Variants in ZNF420 observed in about 807,000 individuals in gnomAD.
The protein encoded by ZNF420 is ATM and p53-associated KZNF protein.
Under a neutral mutation model 44.7 loss-of-function variants are expected in ZNF420, and 31 were observed. That is an observed-to-expected ratio of 0.69 (90% confidence interval 0.52 to 0.94). The LOEUF is 0.94. Among genes scored for constraint, ZNF420 ranks in the 40% least tolerant of loss-of-function variants. The pLI is 0.00. For missense variants in ZNF420, 681 were observed against 827.9 expected, an observed-to-expected ratio of 0.82 and a Z score of 2.18; for synonymous variants, 245 against 267.4, an observed-to-expected ratio of 0.92 and a Z score of 0.82.
intron 1 of ZNF420, among the ~76,000 whole-genome samples, chr19:37,008,298 C>G (rs546525943): frequency 6.6e-6 from 1 of 152,224 alleles, no homozygotes; most frequent in African/African-American, 2.4e-5. Flanking sequence ...CTCTCTCCCT[C>G]TGTTTCTTTC....
upstream of ZNF420, among the ~76,000 whole-genome samples, chr19:37,073,665 G>A (rs535456408): frequency 1.3e-4 from 20 of 151,664 alleles, no homozygotes; most frequent in East Asian, 3.7e-3. Flanking sequence ...TGCCTGACCC[G>A]GGAGGTGGAG....
intron 4 of ZNF420, chr19:37,114,965 AT>A (rs202178501): frequency 0.019 from 2,968 of 154,980 alleles, 80 homozygotes; most frequent in East Asian, 0.053. Context: ...GAGTGATTAG[AT>A]TTTTTTTGTA....
At chr19:37,020,669 A>G (rs1175062650) in intron 1 of ZNF420, among the ~76,000 whole-genome samples, 1 of 152,240 alleles carries the variant, frequency 6.6e-6, no homozygotes, top group Admixed American at 6.5e-5. Context: ...CAATAGATAC[A>G]TAAGTAAAAT....
intron 1 of ZNF420, among the ~76,000 whole-genome samples, chr19:37,066,617 G>T (rs1267101604): frequency 6.6e-6 from 1 of 152,192 alleles, no homozygotes; most frequent in Admixed American, 6.5e-5. Context: ...ACAGTAATGA[G>T]ATATATAGCC....
chr19:37,019,774 A>AG (rs1400648860), intron 1 of ZNF420, among the ~76,000 whole-genome samples: 1 of 151,850 alleles, frequency 6.6e-6, no homozygotes, highest in Non-Finnish European at 1.5e-5. Flanking sequence ...TGTCACAAAA[A>AG]AAAAAAAATT....
At chr19:37,087,781 G>T (rs1388375372) in intron 2 of ZNF420, among the ~76,000 whole-genome samples, 1 of 152,172 alleles carries the variant, frequency 6.6e-6, no homozygotes, top group South Asian at 2.1e-4. Context: ...GAGTAGCTGG[G>T]ACTACAGGCG....
At chr19:37,050,233 T>C (rs1490411851) in intron 1 of ZNF420, among the ~76,000 whole-genome samples, 10 of 152,172 alleles carry the variant, frequency 6.6e-5, no homozygotes, top group Non-Finnish European at 1.3e-4. Flanking sequence ...TTTAAAGTAG[T>C]TTTTTCCAAT....
chr19:37,017,816 C>T (rs2146378170), intron 1 of ZNF420, among the ~76,000 whole-genome samples: 1 of 152,064 alleles, frequency 6.6e-6, no homozygotes, highest in Admixed American at 6.5e-5. Context: ...GTACTAGCTA[C>T]AGAAATGTGG....
intron 4 of ZNF420, among the ~76,000 whole-genome samples, chr19:37,093,730 G>T (rs1969285905): frequency 6.6e-6 from 1 of 152,182 alleles, no homozygotes; most frequent in Admixed American, 6.5e-5. Flanking sequence ...CATATTATAT[G>T]ATTGCATTTA....
At chr19:37,079,925 C>T (rs1215391411) in intron 1 of ZNF420, among the ~76,000 whole-genome samples, 4 of 152,050 alleles carry the variant, frequency 2.6e-5, no homozygotes, top group Non-Finnish European at 5.9e-5. Flanking sequence ...ACCCGGGAGG[C>T]GGAGGTTGCA....
At chr19:37,055,339 T>C (rs1967720792) in intron 1 of ZNF420, among the ~76,000 whole-genome samples, 1 of 152,094 alleles carries the variant, frequency 6.6e-6, no homozygotes, top group Non-Finnish European at 1.5e-5. Flanking sequence ...TGAGTTATGA[T>C]CACACCAATG....
intron 4 of ZNF420, among the ~76,000 whole-genome samples, chr19:37,122,947 A>G (rs1971136770): frequency 1.3e-5 from 2 of 152,214 alleles, no homozygotes; most frequent in South Asian, 4.1e-4. Flanking sequence ...TTGATATCTA[A>G]TAGTTCAAAA....
At chr19:37,088,433 A>G (rs77690751) in intron 2 of ZNF420, among the ~76,000 whole-genome samples, 1,619 of 152,284 alleles carry the variant, frequency 0.011, 30 homozygotes, top group African/African-American at 0.037. Context: ...TCGCTTAAGA[A>G]ATTTACTGAG....
intron 3 of ZNF420, 96 bp downstream of exon 3, chr19:37,089,223 C>A (rs147937399): frequency 9.4e-7 from 1 of 1,067,044 alleles, no homozygotes; most frequent in African/African-American, 1.6e-5. Flanking sequence ...TCCTAACTGA[C>A]CTCACTCAGG....
intron 4 of ZNF420, among the ~76,000 whole-genome samples, chr19:37,126,460 A>C (rs1438413207): frequency 6.6e-6 from 1 of 152,182 alleles, no homozygotes; most frequent in Non-Finnish European, 1.5e-5. Flanking sequence ...AAATAAGTCA[A>C]AGTCATTGAA....
rs137924778 is a variant in ZNF420, at chr19:37,064,425, C to A, written c.-124-15920C>A. Reference sequence around the variant, plus strand: ...AGCCCCTCCTGTGTGGGTTTTGCGGCCTTTAACAGGTTCCTATCATTCTTT... The same window carrying A: ...AGCCCCTCCTGTGTGGGTTTTGCGGACTTTAACAGGTTCCTATCATTCTTT... On this transcript the variant is annotated intron_variant, in intron 1 of 4. Transcript: ENST00000587029. 6.2e-3 allele frequency among the ~76,000 whole-genome samples: 936 copies of A among 152,178 alleles called. 28 individuals are homozygous for A. The highest frequency in any genetic ancestry group is 0.05 in the East Asian group (258 of 5,172).
At chr19:37,114,688 G>A (rs377131848) in intron 4 of ZNF420, among the ~76,000 whole-genome samples, 13 of 152,000 alleles carry the variant, frequency 8.6e-5, no homozygotes, top group Admixed American at 3.9e-4. Flanking sequence ...TGAACTTTCC[G>A]TTCCTTTCCC....
chr19:37,046,501 ATATGT>A (rs757611169), intron 1 of ZNF420, among the ~76,000 whole-genome samples: 13 of 152,240 alleles, frequency 8.5e-5, no homozygotes, highest in Non-Finnish European at 1.6e-4. Context: ...AAACTGAATA[ATATGT>A]TATTTATGGC....
intron 4 of ZNF420, among the ~76,000 whole-genome samples, chr19:37,120,727 A>T (rs2145296242): frequency 6.6e-6 from 1 of 152,312 alleles, no homozygotes; most frequent in Middle Eastern, 3.4e-3. Flanking sequence ...AGAAAACCCC[A>T]TTGTCTCAGC....
Sources: allele counts gnomAD v4.1 joint callset (sites outside exome capture counted in the v4.1 genomes callset), GRCh38; gene constraint gnomAD v4.1.1; transcripts MANE v1.5; gene names NCBI Gene and HGNC (gene_info 2026-07-23, HGNC 2026-07-21).